ESRRG: variants seen among roughly 807,000 people sequenced by gnomAD.
The protein encoded by ESRRG is estrogen-related receptor gamma.
In ESRRG, 13 loss-of-function variants were observed where a neutral mutation model predicts 44.0. That is an observed-to-expected ratio of 0.30 (90% CI 0.19 to 0.47). The LOEUF (loss-of-function observed/expected upper bound fraction) is 0.47. Among genes scored for constraint, ESRRG ranks in the 20% least tolerant of loss-of-function variants. ESRRG has a pLI of 1.00. For missense variants in ESRRG, 395 were observed against 580.6 expected, an observed-to-expected ratio of 0.68 and a Z score of 3.29; for synonymous variants, 215 against 214.6, an observed-to-expected ratio of 1.00 and a Z score of -0.02.
chr1:216,642,147 A>G (rs537892295), intron 3 of ESRRG, among the ~76,000 whole-genome samples: 70 of 152,286 alleles, frequency 4.6e-4, no homozygotes, highest in African/African-American at 1.6e-3. Context: ...CAAAATACCC[A>G]CTACAGAACC....
chr1:216,947,794 T>A (rs2150038329), intron 1 of ESRRG, among the ~76,000 whole-genome samples: 1 of 152,312 alleles, frequency 6.6e-6, no homozygotes, highest in Non-Finnish European at 1.5e-5. Flanking sequence ...TCTTGCTCCT[T>A]GACACACAGC....
chr1:216,952,331 T>C (rs190274721), intron 1 of ESRRG, among the ~76,000 whole-genome samples: 43 of 152,256 alleles, frequency 2.8e-4, no homozygotes, highest in Admixed American at 9.8e-4. Context: ...GTGGCCCTCA[T>C]AGCTAATTGC....
chr1:217,106,383 C>T, intron 1 of ESRRG, among the ~76,000 whole-genome samples: 1 of 138,170 alleles, frequency 7.2e-6, no homozygotes, highest in Non-Finnish European at 1.5e-5. Context: ...TATTCACACA[C>T]TCACATATGC....
At chr1:216,548,249 G>A (rs568541620) in intron 5 of ESRRG, among the ~76,000 whole-genome samples, 103 of 152,066 alleles carry the variant, frequency 6.8e-4, no homozygotes, top group African/African-American at 2.3e-3. Flanking sequence ...TGAATCAAAC[G>A]GGTACACATG....
At chr1:216,544,021 G>A (rs1209407861) in intron 5 of ESRRG, among the ~76,000 whole-genome samples, 2 of 152,006 alleles carry the variant, frequency 1.3e-5, no homozygotes, top group Non-Finnish European at 2.9e-5. Flanking sequence ...AGAGATAACT[G>A]TGTGCACTTG....
intron 3 of ESRRG, among the ~76,000 whole-genome samples, chr1:216,573,991 C>T (rs945581175): frequency 4.6e-5 from 7 of 152,016 alleles, no homozygotes; most frequent in Non-Finnish European, 1.0e-4. Context: ...CAAAGCCTGT[C>T]TCTGTATACC....
chr1:216,799,204 G>A (rs915402137), intron 2 of ESRRG, among the ~76,000 whole-genome samples: 1 of 151,986 alleles, frequency 6.6e-6, no homozygotes, highest in Admixed American at 6.6e-5. Context: ...ACTGACAAAA[G>A]GGGAAGAATA....
At chr1:217,039,119 C>T (rs2083404565) in intron 1 of ESRRG, among the ~76,000 whole-genome samples, 2 of 152,152 alleles carry the variant, frequency 1.3e-5, no homozygotes, top group African/African-American at 4.8e-5. Flanking sequence ...TCAGCCTGGA[C>T]CTTATTGTTG....
At chr1:216,604,420 T>C (rs758087335) in intron 3 of ESRRG, among the ~76,000 whole-genome samples, 2 of 152,152 alleles carry the variant, frequency 1.3e-5, no homozygotes, top group Non-Finnish European at 2.9e-5. Flanking sequence ...CTGTGCCAAC[T>C]GTCAATGTCA....
intron 2 of ESRRG, among the ~76,000 whole-genome samples, chr1:216,852,340 G>T (rs1367706603): frequency 6.6e-6 from 1 of 152,130 alleles, no homozygotes; most frequent in Admixed American, 6.6e-5. Flanking sequence ...ACACAACCAA[G>T]GTGAGCAGGA....
chr1:216,798,734 A>C (rs550672491), intron 2 of ESRRG, among the ~76,000 whole-genome samples: 1 of 152,242 alleles, frequency 6.6e-6, no homozygotes, highest in Non-Finnish European at 1.5e-5. Context: ...AGATTTGACA[A>C]ATAGACTGAA....
intron 1 of ESRRG, among the ~76,000 whole-genome samples, chr1:217,084,045 G>A (rs566045685): frequency 4.0e-5 from 6 of 151,184 alleles, no homozygotes; most frequent in African/African-American, 1.5e-4. Flanking sequence ...AGAAATGTAT[G>A]ATAAGCAATT....
intron 5 of ESRRG, among the ~76,000 whole-genome samples, chr1:216,543,842 A>G (rs1002868872): frequency 6.6e-6 from 1 of 152,086 alleles, no homozygotes; most frequent in African/African-American, 2.4e-5. Context: ...AAGAGATTAT[A>G]AAATCTTATT....
chr1:216,516,526 A>G (rs1349683143), intron 6 of ESRRG, among the ~76,000 whole-genome samples: 3 of 152,040 alleles, frequency 2.0e-5, no homozygotes, highest in Non-Finnish European at 2.9e-5. Context: ...TTTAATACCT[A>G]CAGCCATGTA....
In ESRRG at chr1:216,617,975, C is replaced by T. The variant is rs193041246; in HGVS notation, c.589+32998G>A. Among the ~76,000 whole-genome samples, 492 of 152,134 alleles carry T rather than the reference C, an allele frequency of 3.2e-3. 4 individuals carry two copies. The highest frequency in any genetic ancestry group is 5.3e-3 in the Non-Finnish European group (358 of 68,000). On this transcript the variant is annotated intron_variant, in intron 3 of 6. Transcript: ENST00000408911. ...GAAGGTTGATGGCATGAATATTTTA[C>T]GGTAATGCTTCAATATTAAAATCCC...
intron 2 of ESRRG, among the ~76,000 whole-genome samples, chr1:216,899,789 C>T (rs1560034883): frequency 6.6e-6 from 1 of 152,052 alleles, no homozygotes; most frequent in Non-Finnish European, 1.5e-5. Context: ...GGCTAAAATC[C>T]AAACAAAAGA....
chr1:216,705,160 G>T (rs575963465), intron 1 of ESRRG, among the ~76,000 whole-genome samples: 1 of 152,004 alleles, frequency 6.6e-6, no homozygotes, highest in South Asian at 2.1e-4. Flanking sequence ...GGTTTATCTA[G>T]GCACAAAACA....
chr1:216,694,805 C>T (rs1309430127), intron 1 of ESRRG, among the ~76,000 whole-genome samples: 2 of 152,272 alleles, frequency 1.3e-5, no homozygotes, highest in South Asian at 2.1e-4. Context: ...AATCCACCCA[C>T]CTCGGTCTCT....
chr1:216,877,599 G>T (rs2096377781), intron 2 of ESRRG, among the ~76,000 whole-genome samples: 1 of 151,802 alleles, frequency 6.6e-6, no homozygotes, highest in South Asian at 2.1e-4. Flanking sequence ...TAGAGACAGG[G>T]TTTCACCATA....
Sources: allele counts gnomAD v4.1 joint callset (sites outside exome capture counted in the v4.1 genomes callset), GRCh38; gene constraint gnomAD v4.1.1; transcripts MANE v1.5; gene names NCBI Gene and HGNC (gene_info 2026-07-23, HGNC 2026-07-21).